Variants in DYNC2I1 observed in about 807,000 individuals in gnomAD.
The protein encoded by DYNC2I1 is dynein 2 intermediate chain 1.
In DYNC2I1, 89 loss-of-function variants were observed where a neutral mutation model predicts 133.4. That is an observed-to-expected ratio of 0.67 (90% CI 0.56 to 0.80). The LOEUF is 0.80. DYNC2I1 is among the 30% of genes least tolerant of loss of function. The pLI, the probability that DYNC2I1 is intolerant of heterozygous loss-of-function variation, is 0.00. For synonymous variants in DYNC2I1, 504 were observed against 484.3 expected (o/e 1.04, Z -0.54); for missense variants, 1,291 against 1,314.5 (o/e 0.98, Z 0.28).
chr7:158,931,821 A>G (rs1316889528), intron 21 of DYNC2I1, among the ~76,000 whole-genome samples: 1 of 152,240 alleles, frequency 6.6e-6, no homozygotes, highest in African/African-American at 2.4e-5. Context: ...TCCTCCGTCA[A>G]GGTGCTCCGA....
intron 15 of DYNC2I1, among the ~76,000 whole-genome samples, chr7:158,919,457 T>G (rs1487288168): frequency 6.6e-5 from 10 of 152,196 alleles, no homozygotes; most frequent in Admixed American, 6.5e-4. Flanking sequence ...TGAAATTTCT[T>G]GAGCTAGTAA....
At chr7:158,948,870 T>C (rs548046967), downstream of DYNC2I1, among the ~76,000 whole-genome samples, 7 of 152,188 alleles carry the variant, frequency 4.6e-5, no homozygotes, top group South Asian at 1.5e-3. Context: ...GGCCTCACAA[T>C]AAAATGGCAG....
At chr7:158,925,568 G>A (rs1348117328) in intron 17 of DYNC2I1, among the ~76,000 whole-genome samples, 2 of 152,082 alleles carry the variant, frequency 1.3e-5, no homozygotes, top group African/African-American at 2.4e-5. Context: ...TTTTCTACTT[G>A]TAGACATTCT....
chr7:158,915,355 TGG>T, intron 14 of DYNC2I1, among the ~76,000 whole-genome samples: 2 of 117,118 alleles, frequency 1.7e-5, no homozygotes, highest in Non-Finnish European at 4.0e-5. Flanking sequence ...GTCGACACGC[TGG>T]TTGACATTAA....
chr7:158,954,792 CTTT>C (rs1852159262), intron 4 of DYNC2I1, among the ~76,000 whole-genome samples: 1 of 152,214 alleles, frequency 6.6e-6, no homozygotes, highest in African/African-American at 2.4e-5. Context: ...TTTCTAGAGT[CTTT>C]TTAAAGGTTT....
At chr7:158,927,615 G>A (rs1288007544) in intron 20 of DYNC2I1, among the ~76,000 whole-genome samples, 1 of 151,290 alleles carries the variant, frequency 6.6e-6, no homozygotes, top group Non-Finnish European at 1.5e-5. Flanking sequence ...GCAGTGGTGT[G>A]ATCTTGGCTC....
intron 21 of DYNC2I1, among the ~76,000 whole-genome samples, chr7:158,931,468 A>G (rs1349158403): frequency 6.6e-6 from 1 of 152,248 alleles, no homozygotes; most frequent in Non-Finnish European, 1.5e-5. Context: ...ACTGTATTGC[A>G]GAGCCAAACA....
Position 158,945,521 on chromosome 7 carries a change from G to C in DYNC2I1, c.3003-60G>C. On this transcript the variant is annotated intron_variant, in intron 24 of 24. Transcript: ENST00000407559. The surrounding 1 kb of genome is among the most constrained non-coding windows in gnomAD (Gnocchi z 4.1). ...GGAAGGTAGACATTTTGAAGACTCA[G>C]ACAGAACCGAATGTCCCTTTGTGTG... 1 of 1,514,446 alleles carries C rather than the reference G, an allele frequency of 6.6e-7. No homozygotes were observed. The highest frequency in any genetic ancestry group is 2.2e-5 in the Admixed American group (1 of 46,436). 93.8% of individuals were successfully genotyped at this position (1,514,446 alleles called of 1,614,324 possible). A position where few individuals can be genotyped will look rare whatever the true frequency, so the allele number is the denominator to read the frequency against.
intron 8 of DYNC2I1, among the ~76,000 whole-genome samples, chr7:158,891,791 T>C (rs534864981): frequency 4.6e-5 from 7 of 152,358 alleles, no homozygotes; most frequent in African/African-American, 1.7e-4. Flanking sequence ...CACAAAGTTA[T>C]AAATAATTTT....
At chr7:158,870,080 G>A (rs935503677) in intron 2 of DYNC2I1, among the ~76,000 whole-genome samples, 172 bp downstream of exon 2, 9 of 152,232 alleles carry the variant, frequency 5.9e-5, no homozygotes, top group Non-Finnish European at 1.0e-4. Context: ...TGGAACGTTG[G>A]TTAAGCCAGC....
At chr7:158,883,449 C>T (rs1355091678) in intron 5 of DYNC2I1, among the ~76,000 whole-genome samples, 2 of 150,576 alleles carry the variant, frequency 1.3e-5, no homozygotes, top group East Asian at 2.0e-4. Flanking sequence ...GAGCTCCTGA[C>T]CTCAGGTGAT....
intron 13 of DYNC2I1, 81 bp downstream of exon 13, chr7:158,913,177 T>G: frequency 9.3e-7 from 1 of 1,070,892 alleles, no homozygotes; most frequent in Non-Finnish European, 1.3e-6. Flanking sequence ...CCCTTTCTGG[T>G]TCACTTTCAT....
chr7:158,888,486 CGTTGAGATGGAGTCTCACTCT>C (rs1844840736), intron 7 of DYNC2I1, among the ~76,000 whole-genome samples: 1 of 147,530 alleles, frequency 6.8e-6, no homozygotes, highest in Non-Finnish European at 1.5e-5. Flanking sequence ...TATATATATA[CGTTGAGATGGAGTCTCACTCT>C]GTTGCCCAGG....
chr7:158,938,225 A>G (rs1020507131), intron 23 of DYNC2I1, among the ~76,000 whole-genome samples: 1 of 152,236 alleles, frequency 6.6e-6, no homozygotes, highest in Non-Finnish European at 1.5e-5. Context: ...GCAGTGAGAG[A>G]TAAGAAGCAA....
intron 8 of DYNC2I1, among the ~76,000 whole-genome samples, chr7:158,899,478 C>T (rs1846041019): frequency 6.6e-6 from 1 of 152,128 alleles, no homozygotes; most frequent in Non-Finnish European, 1.5e-5. Context: ...ATTTCTTCTT[C>T]CATCTTTTCT....
Position 158,879,714 on chromosome 7 carries a change from C to G in DYNC2I1, c.604C>G (p.Leu202Val), listed in dbSNP as rs73527702. Reference protein sequence around the residue: ...LQYGDSKDNPLKYWLYKEEGE... With the variant: ...LQYGDSKDNPVKYWLYKEEGE... ...GTACGGAGACAGCAAGGACAACCCT[C>G]TCAAGTACTGGCTTTATAAAGAAGA... Residue 202 changes from leucine (L) to valine (V), a missense_variant, in exon 5 of 25, where the codon CTC becomes GTC. Physicochemically the swap from Leu to Val is conservative, Grantham distance 32 (BLOSUM62 1). Transcript: ENST00000407559. The G allele has an allele frequency of 2.0e-3, 3,120 of 1,594,884 alleles. 27 individuals carry two copies. In the African/African-American group the frequency reaches 0.032, roughly 16 times the overall value.
chr7:158,880,028 C>T (rs376482863), intron 5 of DYNC2I1, 39 bp downstream of exon 5: 475 of 1,538,230 alleles, frequency 3.1e-4, no homozygotes, highest in Admixed American at 7.3e-4. Context: ...GCAGCCGCCC[C>T]GAGGCCGGCG....
chr7:158,853,785 C>G (rs1355369127), upstream of DYNC2I1, among the ~76,000 whole-genome samples: 2 of 151,774 alleles, frequency 1.3e-5, no homozygotes, highest in African/African-American at 4.8e-5. Flanking sequence ...CCCCAAGTAG[C>G]TGGGATTACA....
intron 4 of DYNC2I1, 90 bp downstream of exon 4, chr7:158,876,781 A>G (rs1245882925): frequency 1.4e-6 from 2 of 1,445,194 alleles, no homozygotes; most frequent in East Asian, 2.6e-5. Context: ...TTTTTAGAAA[A>G]TGTCCTAAGC....
Sources: gnomAD v4.1 joint callset for allele counts (sites outside exome capture counted in the v4.1 genomes callset) on GRCh38, gnomAD v4.1.1 for gene constraint, Gnocchi (gnomAD v3.1) non-coding constraint, MANE v1.5 for transcripts, NCBI Gene and HGNC (gene_info 2026-07-23, HGNC 2026-07-21) for gene names.